ANO4: variants seen among roughly 807,000 people sequenced by gnomAD.
The protein encoded by ANO4 is anoctamin 4, also known as anoctamin-4.
Under a neutral mutation model 141.9 loss-of-function variants are expected in ANO4, and 69 were observed. That is an observed-to-expected ratio of 0.49 (90% CI 0.40 to 0.59). The LOEUF is 0.59. Ranked by LOEUF, ANO4 falls within the 20% of genes least tolerant of loss-of-function variation. The pLI, the probability that ANO4 is intolerant of heterozygous loss-of-function variation, is 0.00. For missense variants in ANO4, 894 were observed against 1,162.2 expected (o/e 0.77, Z 3.36); for synonymous variants, 350 against 394.3 (o/e 0.89, Z 1.33).
chr12:100,893,723 C>T lies in ANO4; in HGVS notation c.-140-7923C>T, dbSNP rs1234433767. On this transcript the variant is annotated intron_variant, in intron 1 of 27. Transcript: ENST00000392977. ...TGGGAAGTACTAACAAGTCACATGG[C>T]AGAGAGAAGTTATGAATTACGAATC... Among the ~76,000 whole-genome samples the T allele has an allele frequency of 2.0e-5, 3 of 152,062 alleles. No homozygotes were observed. In the East Asian group the frequency reaches 5.8e-4, roughly 29 times the overall value.
At chr12:100,751,452 G>A (rs953312955) in intron 3 of ANO4, among the ~76,000 whole-genome samples, 1 of 152,024 alleles carries the variant, frequency 6.6e-6, no homozygotes, top group African/African-American at 2.4e-5. Flanking sequence ...TAACAGATTG[G>A]GAAACACCCT....
intron 3 of ANO4, among the ~76,000 whole-genome samples, chr12:100,744,013 C>T (rs534835135): frequency 6.6e-6 from 1 of 152,246 alleles, no homozygotes; most frequent in East Asian, 1.9e-4. Flanking sequence ...TTCCTATATC[C>T]CCAGCTGATC....
At chr12:100,761,810 T>C (rs889934286) in intron 3 of ANO4, among the ~76,000 whole-genome samples, 2 of 152,162 alleles carry the variant, frequency 1.3e-5, no homozygotes, top group Admixed American at 6.5e-5. Context: ...AGGCCTGTTA[T>C]GTTGACTTTT....
chr12:100,883,745 C>T (rs1446437013), intron 1 of ANO4, among the ~76,000 whole-genome samples: 1 of 152,144 alleles, frequency 6.6e-6, no homozygotes, highest in Non-Finnish European at 1.5e-5. Context: ...TAAGGACAGA[C>T]TTTCAGCAGT....
chr12:101,041,957 C>T (rs2047426715), intron 11 of ANO4, among the ~76,000 whole-genome samples: 1 of 152,094 alleles, frequency 6.6e-6, no homozygotes, highest in Admixed American at 6.6e-5. Flanking sequence ...GTTTTACTTC[C>T]ACCATATCTC....
intron 3 of ANO4, among the ~76,000 whole-genome samples, chr12:100,762,501 C>T (rs1001692076): frequency 1.3e-5 from 2 of 152,140 alleles, no homozygotes; most frequent in Non-Finnish European, 2.9e-5. Context: ...AAAAGCAAGG[C>T]TCCCCTGGCA....
chr12:101,025,091 A>G lies in ANO4; in HGVS notation c.841+4951A>G, dbSNP rs147184419. ...AAATCTTGATCTGAAAGGAGCTTTA[A>G]AGATCAACATGTTAAACTTCCACTT... is the stretch of plus-strand genomic sequence containing the variant. On this transcript the variant is annotated intron_variant, in intron 9 of 27. Coordinates refer to ENST00000392977, the MANE Select transcript of ANO4 (RefSeq NM_001286615.2). 1.3e-4 allele frequency among the ~76,000 whole-genome samples: 20 copies of G among 152,316 alleles called. 1 individual carries two copies. In the Middle Eastern group the frequency reaches 0.014, roughly 104 times the overall value.
chr12:101,022,034 A>AGT (rs1472274483), intron 9 of ANO4, among the ~76,000 whole-genome samples: 1 of 128,284 alleles, frequency 7.8e-6, no homozygotes, highest in Non-Finnish European at 1.6e-5. Context: ...TAGCATAATG[A>AGT]CTCTGCCAAA....
intron 1 of ANO4, among the ~76,000 whole-genome samples, chr12:100,873,910 C>G (rs1362051225): frequency 6.6e-6 from 1 of 152,162 alleles, no homozygotes; most frequent in Non-Finnish European, 1.5e-5. Context: ...CGGACTGGGC[C>G]CAGGGCCCCG....
At chr12:100,739,063 T>TTA (rs1173844524) in intron 2 of ANO4, among the ~76,000 whole-genome samples, 2 of 146,848 alleles carry the variant, frequency 1.4e-5, no homozygotes, top group Non-Finnish European at 3.0e-5. Flanking sequence ...ATCTAAATCT[T>TTA]TATATATATC....
chr12:101,088,786 G>A (rs553954487), intron 17 of ANO4, among the ~76,000 whole-genome samples: 1 of 148,790 alleles, frequency 6.7e-6, no homozygotes, highest in South Asian at 2.2e-4. Flanking sequence ...TACTTGGGAG[G>A]CTGAGATAGG....
At chr12:100,988,317 G>T (rs1372573295) in intron 8 of ANO4, among the ~76,000 whole-genome samples, 5 of 152,136 alleles carry the variant, frequency 3.3e-5, no homozygotes, top group African/African-American at 1.2e-4. Flanking sequence ...GAGATGACAA[G>T]AAATGATGGC....
intron 24 of ANO4, among the ~76,000 whole-genome samples, chr12:101,113,180 C>G (rs182028356): frequency 6.6e-6 from 1 of 152,182 alleles, no homozygotes; most frequent in Admixed American, 6.5e-5. Flanking sequence ...CTCTCCATCC[C>G]GCACCTCACA....
chr12:101,087,218 A>T (rs1291736048), intron 17 of ANO4, among the ~76,000 whole-genome samples: 1 of 152,156 alleles, frequency 6.6e-6, no homozygotes, highest in African/African-American at 2.4e-5. Flanking sequence ...GAAGATAGAC[A>T]GTATCCAAAG....
intron 5 of ANO4, among the ~76,000 whole-genome samples, chr12:100,944,561 T>C (rs533565724): frequency 1.3e-5 from 2 of 152,076 alleles, no homozygotes; most frequent in South Asian, 4.2e-4. Flanking sequence ...CTCCACAATC[T>C]TTTAGACACT....
chr12:101,121,799 G>C (rs1593324000), intron 26 of ANO4, among the ~76,000 whole-genome samples: 1 of 124,978 alleles, frequency 8.0e-6, no homozygotes, highest in East Asian at 2.6e-4. Flanking sequence ...TTCTCTCTCT[G>C]TCGCCCAGGC....
chr12:100,892,321 A>G (rs1272169521), intron 1 of ANO4, among the ~76,000 whole-genome samples: 1 of 152,168 alleles, frequency 6.6e-6, no homozygotes, highest in Non-Finnish European at 1.5e-5. Context: ...ATTAAAAAAA[A>G]TCTCAGGTTG....
chr12:100,718,917 G>GT (rs1263673772), intron 1 of ANO4, among the ~76,000 whole-genome samples: 7 of 152,198 alleles, frequency 4.6e-5, no homozygotes, highest in South Asian at 2.1e-4. Flanking sequence ...TCTAACTTCT[G>GT]TTTTTTTACA....
intron 7 of ANO4, among the ~76,000 whole-genome samples, chr12:100,981,463 A>AAAGG (rs1360627036): frequency 6.6e-6 from 1 of 150,686 alleles, no homozygotes; most frequent in Non-Finnish European, 1.5e-5. Context: ...AGGAAGGAAG[A>AAAGG]AAGGAAGGGA....
Sources: gnomAD v4.1 joint callset for allele counts (sites outside exome capture counted in the v4.1 genomes callset) on GRCh38, gnomAD v4.1.1 for gene constraint, MANE v1.5 for transcripts, NCBI Gene and HGNC (gene_info 2026-07-23, HGNC 2026-07-21) for gene names.